GRM1: variants seen among roughly 807,000 people sequenced by gnomAD.
GRM1 encodes glutamate metabotropic receptor 1, also known as metabotropic glutamate receptor 1.
A neutral mutation model predicts 90.9 loss-of-function variants in GRM1; 33 were observed. The observed-to-expected ratio is 0.36, with a 90% CI of 0.28 to 0.49. GRM1 has a LOEUF of 0.49. Ranked by LOEUF, GRM1 falls within the 20% of genes least tolerant of loss-of-function variation. GRM1 has a pLI of 0.99. For synonymous variants in GRM1, 700 were observed against 613.2 expected, an observed-to-expected ratio of 1.14 and a Z score of -2.09; for missense variants, 1,190 against 1,534.3, an observed-to-expected ratio of 0.78 and a Z score of 3.75.
chr6:146,066,699 A>T (rs746941177), intron 1 of GRM1, among the ~76,000 whole-genome samples: 33 of 152,006 alleles, frequency 2.2e-4, no homozygotes, highest in Admixed American at 8.5e-4. Flanking sequence ...CTTTTGGAGG[A>T]AGTTTTTAAG....
At chr6:146,088,177 C>G (rs1776608016) in intron 1 of GRM1, among the ~76,000 whole-genome samples, 1 of 152,000 alleles carries the variant, frequency 6.6e-6, no homozygotes, top group Non-Finnish European at 1.5e-5. Flanking sequence ...TTGTGTTTCC[C>G]TAAAAGCTAG....
At chr6:146,423,427 C>T (rs1408286158) in intron 7 of GRM1, among the ~76,000 whole-genome samples, 1 of 151,198 alleles carries the variant, frequency 6.6e-6, no homozygotes, top group South Asian at 2.1e-4. Flanking sequence ...AAGTGAAAGT[C>T]GGAGACCAAA....
chr6:146,387,121 T>C, intron 6 of GRM1, 105 bp downstream of exon 6: 1 of 1,079,274 alleles, frequency 9.3e-7, no homozygotes, highest in Non-Finnish European at 1.4e-6. Flanking sequence ...AATGTTAATT[T>C]ACAATGCACA....
chr6:146,242,183 T>C (rs1017405671), intron 2 of GRM1, among the ~76,000 whole-genome samples: 1 of 152,098 alleles, frequency 6.6e-6, no homozygotes, highest in African/African-American at 2.4e-5. Context: ...CCACCTACAA[T>C]GTATAGTGTG....
intron 2 of GRM1, among the ~76,000 whole-genome samples, chr6:146,290,117 G>T (rs1782921207): frequency 6.6e-6 from 1 of 151,920 alleles, no homozygotes; most frequent in Admixed American, 6.6e-5. Flanking sequence ...AAAGCCAAGG[G>T]TGTGGCTGGA....
At chr6:146,168,766 A>C (rs1778000801) in intron 2 of GRM1, among the ~76,000 whole-genome samples, 1 of 152,022 alleles carries the variant, frequency 6.6e-6, no homozygotes, top group South Asian at 2.1e-4. Context: ...TACTCTAGAG[A>C]TATTACTTAA....
intron 1 of GRM1, among the ~76,000 whole-genome samples, chr6:146,139,333 A>T (rs1168255770): frequency 2.0e-5 from 3 of 152,128 alleles, no homozygotes; most frequent in Non-Finnish European, 4.4e-5. Flanking sequence ...TGTCTATTTG[A>T]TCTATAGTGC....
chr6:146,291,749 C>T (rs1008172369), intron 2 of GRM1, among the ~76,000 whole-genome samples: 1 of 151,922 alleles, frequency 6.6e-6, no homozygotes, highest in African/African-American at 2.4e-5. Context: ...CTAAACAAAT[C>T]TGTAAGTTTC....
At chr6:146,082,165 T>C (rs1306679501) in intron 1 of GRM1, among the ~76,000 whole-genome samples, 2 of 152,136 alleles carry the variant, frequency 1.3e-5, no homozygotes, top group Non-Finnish European at 2.9e-5. Flanking sequence ...TCGGTTGGTT[T>C]CTTTTTTTGA....
chr6:146,078,989 G>A (rs535542862), intron 1 of GRM1, among the ~76,000 whole-genome samples: 32 of 152,110 alleles, frequency 2.1e-4, no homozygotes, highest in Non-Finnish European at 4.1e-4. Context: ...AAAGTGGGAG[G>A]GGTTCCTGTT....
chr6:146,136,269 C>T (rs1318359815), intron 1 of GRM1, among the ~76,000 whole-genome samples: 2 of 152,044 alleles, frequency 1.3e-5, no homozygotes, highest in Non-Finnish European at 1.5e-5. Flanking sequence ...TTCAATATAC[C>T]GTTTTCTTTT....
At position 146,434,292 on chromosome 6, in the gene GRM1, G is replaced by C. The variant is rs1778516599; in HGVS notation, c.3081G>C (p.Gln1027His). ...AGCAGCAGCAACCCCCTCCACAGCAGAAATCGCTGATGGACCAGCTCCAGG... is the reference window on the plus strand; with the variant it reads ...AGCAGCAGCAACCCCCTCCACAGCACAAATCGCTGATGGACCAGCTCCAGG... The part of the protein sequence containing the change: ...LQQQQQPPPQ[Q>H]KSLMDQLQGV... The change falls in exon 8 of 8, where the codon CAG becomes CAC. Residue 1027 changes from glutamine to histidine, a missense_variant. This residue lies in a region of GRM1 where 400 missense variants were observed against 360.8 expected (regional missense o/e 1.11). Coordinates refer to ENST00000282753, the MANE Select transcript of GRM1 (RefSeq NM_001278064.2). 6.2e-7 allele frequency: 1 copy of C among 1,603,772 alleles called. No individual in the cohort carries two copies. Among genetic ancestry groups the C allele is most frequent in the East Asian group, 2.2e-5 (1 of 44,622 alleles).
intron 2 of GRM1, among the ~76,000 whole-genome samples, chr6:146,201,249 T>A (rs1250130429): frequency 1.3e-5 from 2 of 152,226 alleles, no homozygotes; most frequent in East Asian, 3.9e-4. Context: ...TTCACTGCTT[T>A]TCTTTGGTCA....
At chr6:146,153,283 G>A (rs1160514668) in intron 1 of GRM1, among the ~76,000 whole-genome samples, 1 of 152,178 alleles carries the variant, frequency 6.6e-6, no homozygotes, top group African/African-American at 2.4e-5. Context: ...AGAATGTTAA[G>A]CTCAATGGGA....
intron 1 of GRM1, among the ~76,000 whole-genome samples, chr6:146,044,815 A>C (rs907564501): frequency 5.3e-5 from 8 of 152,144 alleles, no homozygotes; most frequent in African/African-American, 1.9e-4. Flanking sequence ...GTGAGTGATT[A>C]ATTTTTTGAA....
chr6:146,367,390 G>T lies in GRM1; in HGVS notation c.1602+9696G>T, dbSNP rs550761617. Among the ~76,000 whole-genome samples the T allele has an allele frequency of 1.1e-3, 172 of 152,146 alleles. 1 individual carries two copies. In the South Asian group the frequency reaches 0.017, roughly 15 times the overall value. ...ATTGTTTGGTTATTTGGATTATTTT[G>T]TGGTTCCATGAGAATTTTAGGATTT... On this transcript the variant is annotated intron_variant, in intron 5 of 7. Coordinates refer to ENST00000282753, the MANE Select transcript of GRM1 (RefSeq NM_001278064.2).
intron 7 of GRM1, among the ~76,000 whole-genome samples, chr6:146,408,249 C>T (rs1387682391): frequency 2.6e-5 from 4 of 152,100 alleles, no homozygotes; most frequent in Non-Finnish European, 5.9e-5. Context: ...TTCCAAAGGC[C>T]CTACCTCTTC....
chr6:146,047,893 C>T (rs934329273), intron 1 of GRM1, among the ~76,000 whole-genome samples: 4 of 151,942 alleles, frequency 2.6e-5, no homozygotes, highest in African/African-American at 9.7e-5. Context: ...TGAAAGATGG[C>T]ATATAACAGG....
At chr6:146,205,150 C>T (rs895606553) in intron 2 of GRM1, among the ~76,000 whole-genome samples, 21 of 152,060 alleles carry the variant, frequency 1.4e-4, no homozygotes, top group Non-Finnish European at 1.5e-5. Flanking sequence ...CAATTGAGGA[C>T]ATGTTTTAGA....
Sources: allele counts gnomAD v4.1 joint callset (sites outside exome capture counted in the v4.1 genomes callset), GRCh38; gene constraint gnomAD v4.1.1; regional missense constraint gnomAD v4.1.1; transcripts MANE v1.5; gene names NCBI Gene and HGNC (gene_info 2026-07-23, HGNC 2026-07-21).